Variants in RUVBL1 observed in about 807,000 individuals in gnomAD.
The protein encoded by RUVBL1 is RuvB like AAA ATPase 1.
Under a neutral mutation model 52.4 loss-of-function variants are expected in RUVBL1, and 4 were observed. That is an observed-to-expected ratio of 0.08 (90% confidence interval 0.04 to 0.17). The LOEUF is 0.17. Ranked by LOEUF, RUVBL1 falls within the 10% of genes least tolerant of loss-of-function variation. RUVBL1 has a pLI of 1.00. For synonymous variants in RUVBL1, 217 were observed against 214.4 expected (o/e 1.01, Z -0.10); for missense variants, 298 against 572.8 (o/e 0.52, Z 4.90).
chr3:128,102,374 C>T (rs563552185), intron 4 of RUVBL1, among the ~76,000 whole-genome samples: 2 of 152,340 alleles, frequency 1.3e-5, no homozygotes, highest in East Asian at 1.9e-4. Context: ...AGCAGATTTG[C>T]GGAACTGTTG....
chr3:128,152,964 C>CA lies in RUVBL1; in HGVS notation c.-40+238_-40+239insT, dbSNP rs1370769549. On this transcript the variant is annotated intron_variant, in intron 1 of 9. Coordinates refer to the RUVBL1 transcript ENST00000464873. ...CCCCCGCCCCCGTCTTCCCGCCCCC[C>CA]CCGCCCCCGTCTTCCCCCCGCCCAC... Among the ~76,000 whole-genome samples, 6 of 34,318 alleles carry CA rather than the reference C, an allele frequency of 1.7e-4. 1 individual carries two copies. The East Asian group carries it at 9.3e-3, about 53-fold the overall frequency. The allele number at this position is 34,318 out of a possible 152,430, so 22.5% of individuals were successfully genotyped here. A position where few individuals can be genotyped will look rare whatever the true frequency, so the allele number is the denominator to read the frequency against.
intron 2 of RUVBL1, among the ~76,000 whole-genome samples, chr3:128,118,298 T>C (rs1238303425): frequency 1.3e-5 from 2 of 152,080 alleles, no homozygotes; most frequent in South Asian, 2.1e-4. Flanking sequence ...TTCACAAATA[T>C]AGCACTTCTT....
Position 128,067,047 on chromosome 3 carries a change from A to G in RUVBL1, c.940-1827T>C. The G allele has an allele frequency of 6.2e-7, 1 of 1,614,174 alleles. No homozygotes were observed. The highest frequency in any genetic ancestry group is 8.5e-7 in the Non-Finnish European group (1 of 1,180,014). On this transcript the variant is annotated intron_variant, in intron 9 of 9. Coordinates refer to the RUVBL1 transcript ENST00000464873. The surrounding 1 kb of genome is among the most constrained non-coding windows in gnomAD (Gnocchi z 4.1). ...GCTCTTCTATACGTCCAACATCCCC[A>G]TCATCCTGCAGTCTGCCCTGGTGTC...
chr3:128,066,642 T>A (rs914216037), intron 9 of RUVBL1: 1 of 378,992 alleles, frequency 2.6e-6, no homozygotes, highest in African/African-American at 2.1e-5. Context: ...CAGGCTGGTA[T>A]CGAACTTCTG....
intron 6 of RUVBL1, among the ~76,000 whole-genome samples, chr3:128,100,170 G>A (rs1943079285): frequency 4.6e-5 from 7 of 152,208 alleles, no homozygotes; most frequent in Admixed American, 3.9e-4. Context: ...GCAGACAACA[G>A]TACCAGCTCA....
At chr3:128,142,926 G>A (rs1023186126) in intron 1 of RUVBL1, among the ~76,000 whole-genome samples, 20 of 151,882 alleles carry the variant, frequency 1.3e-4, no homozygotes, top group African/African-American at 4.4e-4. Flanking sequence ...CATTACAGGC[G>A]CACGCCACCA....
intron 2 of RUVBL1, among the ~76,000 whole-genome samples, chr3:128,113,248 C>G (rs1943435197): frequency 6.6e-6 from 1 of 152,216 alleles, no homozygotes; most frequent in African/African-American, 2.4e-5. Flanking sequence ...CTCAGACTTA[C>G]CCAGTGCAGG....
upstream of RUVBL1, among the ~76,000 whole-genome samples, chr3:128,124,193 G>C (rs117246054): frequency 1.4e-3 from 211 of 152,106 alleles, 5 homozygotes; most frequent in East Asian, 0.038. Context: ...ACTGGGATTG[G>C]TTACTAACCA....
rs1944194314 is a variant in RUVBL1, at chr3:128,150,961, CTATATATTA to C, written c.-40+2233_-40+2241del. The stretch of plus-strand genomic sequence containing the variant: ...CTATATATTATATATATTATATATT[CTATATATTA>C]TATATTATATATTCTATATATATTA... On this transcript the variant is annotated intron_variant, in intron 1 of 9. Transcript: ENST00000464873. Among the ~76,000 whole-genome samples, 4 of 77,192 alleles carry C rather than the reference CTATATATTA, an allele frequency of 5.2e-5. No individual in the cohort carries two copies. The South Asian group carries it at 1.4e-3, about 28-fold the overall frequency. 50.6% of individuals were successfully genotyped at this position (77,192 alleles called of 152,430 possible). A position where few individuals can be genotyped will look rare whatever the true frequency, so the allele number is the denominator to read the frequency against.
chr3:128,113,148 C>T, intron 2 of RUVBL1, 128 bp from the exon 3 acceptor site: 7 of 1,070,660 alleles, frequency 6.5e-6, no homozygotes, highest in Non-Finnish European at 6.6e-6. Context: ...GCATGTTTCA[C>T]ACAATAAATG....
At chr3:128,140,013 T>C (rs1220057182) in intron 1 of RUVBL1, among the ~76,000 whole-genome samples, 2 of 151,968 alleles carry the variant, frequency 1.3e-5, no homozygotes, top group African/African-American at 2.4e-5. Flanking sequence ...CATTTAAAAA[T>C]AACTAAAAGA....
At chr3:128,117,890 T>C (rs146191176) in intron 2 of RUVBL1, among the ~76,000 whole-genome samples, 84 of 152,092 alleles carry the variant, frequency 5.5e-4, no homozygotes, top group African/African-American at 2.0e-3. Context: ...CTCAAAACCC[T>C]CAAAATTAGA....
chr3:128,076,849 G>C (rs1220005116), downstream of RUVBL1, among the ~76,000 whole-genome samples: 1 of 152,066 alleles, frequency 6.6e-6, no homozygotes, highest in Non-Finnish European at 1.5e-5. The surrounding 1 kb of genome is among the most constrained non-coding windows in gnomAD (Gnocchi z 6.8). Context: ...CCCGCACCCC[G>C]CACCCCACCA....
intron 9 of RUVBL1, among the ~76,000 whole-genome samples, chr3:128,066,119 C>T (rs1310940182): frequency 6.6e-6 from 1 of 152,072 alleles, no homozygotes; most frequent in Non-Finnish European, 1.5e-5. Context: ...TAAACCCTTT[C>T]TAGTCTCCAG....
At chr3:128,085,823 C>T (rs1340620270) in intron 9 of RUVBL1, among the ~76,000 whole-genome samples, 1 of 152,182 alleles carries the variant, frequency 6.6e-6, no homozygotes, top group Non-Finnish European at 1.5e-5. Flanking sequence ...AGAGGAAAGC[C>T]ACCTCATGAA....
intron 9 of RUVBL1, among the ~76,000 whole-genome samples, chr3:128,072,876 C>T (rs998904140): frequency 6.6e-6 from 1 of 152,310 alleles, no homozygotes; most frequent in East Asian, 1.9e-4. Context: ...GTCTCTCCAC[C>T]TGGCTCCTCC....
chr3:128,090,302 C>T (rs1011926493), intron 8 of RUVBL1, among the ~76,000 whole-genome samples: 4 of 152,198 alleles, frequency 2.6e-5, no homozygotes, highest in Non-Finnish European at 5.9e-5. Context: ...GAGGCCAAGG[C>T]GGGCAGATCA....
intron 8 of RUVBL1, among the ~76,000 whole-genome samples, chr3:128,094,365 C>T (rs1343011610): frequency 6.6e-6 from 1 of 152,158 alleles, no homozygotes; most frequent in Non-Finnish European, 1.5e-5. Context: ...CGAGAGGGAG[C>T]GTACACTACC....
intron 2 of RUVBL1, among the ~76,000 whole-genome samples, chr3:128,114,743 G>GA (rs1229308211): frequency 1.3e-5 from 2 of 151,970 alleles, no homozygotes; most frequent in African/African-American, 2.4e-5. Flanking sequence ...AAGAGCAAAG[G>GA]AAAAAAATCT....
Sources: allele counts gnomAD v4.1 joint callset (sites outside exome capture counted in the v4.1 genomes callset), GRCh38; gene constraint gnomAD v4.1.1; non-coding constraint Gnocchi (gnomAD v3.1); transcripts MANE v1.5; gene names NCBI Gene and HGNC (gene_info 2026-07-23, HGNC 2026-07-21).